WDFY3: variants seen among roughly 807,000 people sequenced by gnomAD.
The protein encoded by WDFY3 is WD repeat and FYVE domain containing 3.
In WDFY3, 66 loss-of-function variants were observed where a neutral mutation model predicts 409.6. The observed-to-expected ratio is 0.16, with a 90% CI of 0.13 to 0.20. The LOEUF is 0.20. WDFY3 is among the 10% of genes least tolerant of loss of function. The pLI, the probability that WDFY3 is intolerant of heterozygous loss-of-function variation, is 1.00. For synonymous variants in WDFY3, 1,521 were observed against 1,537.1 expected (o/e 0.99, Z 0.25); for missense variants, 3,031 against 4,298.1 (o/e 0.71, Z 8.24).
intron 4 of WDFY3, among the ~76,000 whole-genome samples, chr4:84,856,319 C>G (rs1250701685): frequency 6.6e-6 from 1 of 152,132 alleles, no homozygotes; most frequent in Non-Finnish European, 1.5e-5. Context: ...GTAAACATTA[C>G]ATTTTAAAAT....
intron 3 of WDFY3, among the ~76,000 whole-genome samples, chr4:84,890,168 T>C (rs1176416797): frequency 1.3e-5 from 2 of 152,122 alleles, no homozygotes; most frequent in African/African-American, 2.4e-5. Flanking sequence ...GGCACGACCA[T>C]GGCTCACTTC....
chr4:84,756,831 G>T, intron 33 of WDFY3, 95 bp downstream of exon 33: 1 of 1,274,456 alleles, frequency 7.8e-7, no homozygotes, highest in Non-Finnish European at 1.1e-6. Flanking sequence ...GGAAAGTGAT[G>T]GAATTGACAG....
At chr4:84,754,140 G>A (rs1741009501) in intron 34 of WDFY3, among the ~76,000 whole-genome samples, 2 of 152,212 alleles carry the variant, frequency 1.3e-5, no homozygotes, top group South Asian at 2.1e-4. Flanking sequence ...ACTAGAATCA[G>A]TGGTTTTGAT....
chr4:84,763,823 A>C (rs552650821), intron 32 of WDFY3, among the ~76,000 whole-genome samples: 1 of 152,314 alleles, frequency 6.6e-6, no homozygotes, highest in Admixed American at 6.5e-5. Flanking sequence ...TGAAGGACAA[A>C]AAGATTCTAA....
At chr4:84,801,479 T>C (rs1750553365) in intron 17 of WDFY3, among the ~76,000 whole-genome samples, 171 bp downstream of exon 17, 1 of 152,238 alleles carries the variant, frequency 6.6e-6, no homozygotes, top group South Asian at 2.1e-4. Flanking sequence ...TACTAATAAC[T>C]AGATTTATTT....
Position 84,743,700 on chromosome 4 carries a change from C to A in WDFY3, c.6073G>T (p.Gly2025Trp). The A allele has an allele frequency of 6.4e-7, 1 of 1,554,414 alleles. No individual in the cohort carries two copies. The highest frequency in any genetic ancestry group is 8.7e-7 in the Non-Finnish European group (1 of 1,146,288). The change falls in exon 37 of 68, where the codon GGG (glycine) becomes TGG (tryptophan). Residue 2025 changes from glycine to tryptophan, a missense_variant and splice_region_variant. Coordinates refer to ENST00000295888, the MANE Select transcript of WDFY3 (RefSeq NM_014991.6). ...DHLLAADVLL[G>W]EDASLPITSG... The stretch of plus-strand genomic sequence containing the variant: ...CTATAAAATAAAAACACAGAATTAC[C>A]TAATAACACATCAGCTGCAAGCAAA...
chr4:84,876,314 AAG>A (rs767773655), intron 3 of WDFY3, among the ~76,000 whole-genome samples: 1 of 152,208 alleles, frequency 6.6e-6, no homozygotes, highest in Non-Finnish European at 1.5e-5. Flanking sequence ...ATTCATCATT[AAG>A]AGAGACAGTA....
intron 50 of WDFY3, among the ~76,000 whole-genome samples, chr4:84,714,839 A>G (rs1412719226): frequency 6.6e-6 from 1 of 151,628 alleles, no homozygotes; most frequent in Non-Finnish European, 1.5e-5. Flanking sequence ...AGTTCCAGCT[A>G]CTCGGGAGGC....
chr4:84,960,231 T>C (rs1278640775), intron 1 of WDFY3, among the ~76,000 whole-genome samples: 1 of 152,218 alleles, frequency 6.6e-6, no homozygotes, highest in Non-Finnish European at 1.5e-5. Flanking sequence ...ATTCTATTAA[T>C]GCTACACAGC....
chr4:84,874,379 C>T (rs1762502231), intron 3 of WDFY3, among the ~76,000 whole-genome samples: 1 of 151,950 alleles, frequency 6.6e-6, no homozygotes, highest in South Asian at 2.1e-4. Context: ...TGCCAATGCA[C>T]TCTAGCCTGG....
chr4:84,726,031 G>A (rs1735597021), intron 45 of WDFY3, among the ~76,000 whole-genome samples: 1 of 152,084 alleles, frequency 6.6e-6, no homozygotes, highest in South Asian at 2.1e-4. Context: ...GAACTGATGG[G>A]TAAACAAACA....
chr4:84,779,560 A>G (rs1180811530), intron 26 of WDFY3, among the ~76,000 whole-genome samples: 1 of 152,130 alleles, frequency 6.6e-6, no homozygotes, highest in Non-Finnish European at 1.5e-5. Context: ...TTACAGGCAC[A>G]TGCCACCATG....
At chr4:84,739,394 A>G (rs1738010079) in intron 39 of WDFY3, 1 of 332,166 alleles carries the variant, frequency 3.0e-6, no homozygotes, top group East Asian at 5.9e-5. Flanking sequence ...TTTACCTAAT[A>G]ATTACAAAAT....
chr4:84,790,547 C>G lies in WDFY3; in HGVS notation c.3488-640G>C, dbSNP rs543545739. On this transcript the variant is annotated intron_variant, in intron 21 of 67. Transcript: ENST00000295888. ...TAAAAAATACATAAAAATAAAGAGA[C>G]AATAACGTTATGATAAACACTAAAA... 6.6e-5 allele frequency among the ~76,000 whole-genome samples: 10 copies of G among 152,004 alleles called. No individual in the cohort carries two copies. In the South Asian group the frequency reaches 2.1e-3, roughly 32 times the overall value.
intron 10 of WDFY3, among the ~76,000 whole-genome samples, chr4:84,824,318 A>G (rs1324048054): frequency 1.3e-5 from 2 of 152,144 alleles, no homozygotes; most frequent in Non-Finnish European, 2.9e-5. Flanking sequence ...ATATTTTACT[A>G]TTATTGTTGT....
intron 3 of WDFY3, among the ~76,000 whole-genome samples, chr4:84,869,916 T>G (rs1046170963): frequency 6.6e-6 from 1 of 152,158 alleles, no homozygotes; most frequent in African/African-American, 2.4e-5. Context: ...CATCATTACT[T>G]TGGTAAAACT....
Position 84,693,004 on chromosome 4 carries a change from C to T in WDFY3, c.8930G>A (p.Arg2977Gln). ...QLFKKPHPPK[R>Q]VRSRLNGDNA... ...GTCTCCATTGAGTCGACTTCTCACT[C>T]GCTTTGGTGGATGAGGTTTTTTAAA... Residue 2977 changes from arginine to glutamine, a missense_variant, in exon 59 of 68, where the codon CGA becomes CAA. Coordinates refer to ENST00000295888, the MANE Select transcript of WDFY3 (RefSeq NM_014991.6). The T allele has an allele frequency of 6.2e-7, 1 of 1,611,076 alleles. No individual in the cohort carries two copies. The highest frequency in any genetic ancestry group is 8.5e-7 in the Non-Finnish European group (1 of 1,179,430).
intron 53 of WDFY3, among the ~76,000 whole-genome samples, chr4:84,708,165 C>T (rs1452706029): frequency 6.6e-6 from 1 of 152,158 alleles, no homozygotes; most frequent in Admixed American, 6.5e-5. Context: ...TCTATGTGTT[C>T]TTGATTTTGA....
chr4:84,735,172 A>G lies in WDFY3; in HGVS notation c.6916-52T>C, dbSNP rs747245045. The G allele has an allele frequency of 2.7e-6, 4 of 1,501,176 alleles. No homozygotes were observed. In the African/African-American group the frequency reaches 5.6e-5, roughly 21 times the overall value. The allele number at this position is 1,501,176 out of a possible 1,614,324, so 93.0% of individuals were successfully genotyped here. A position where few individuals can be genotyped will look rare whatever the true frequency, so the allele number is the denominator to read the frequency against. Reference sequence around the variant, plus strand: ...AATATTTCATGGATTTCTGGAAAAAAATAGTTAATTACCCTTGAAATTAAT... The same window carrying G: ...AATATTTCATGGATTTCTGGAAAAAGATAGTTAATTACCCTTGAAATTAAT... On this transcript the variant is annotated intron_variant, in intron 42 of 67. Coordinates refer to ENST00000295888, the MANE Select transcript of WDFY3 (RefSeq NM_014991.6).
Sources: allele counts gnomAD v4.1 joint callset (sites outside exome capture counted in the v4.1 genomes callset), GRCh38; gene constraint gnomAD v4.1.1; transcripts MANE v1.5; gene names NCBI Gene and HGNC (gene_info 2026-07-23, HGNC 2026-07-21).